PEX12: variants seen among roughly 807,000 people sequenced by gnomAD.
PEX12 encodes the protein peroxisome assembly protein 12.
Under a neutral mutation model 32.5 loss-of-function variants are expected in PEX12, and 31 were observed. That is an observed-to-expected ratio of 0.95 (90% confidence interval 0.72 to 1.29). The LOEUF is 1.29. PEX12 is among the 50% of genes most tolerant of loss of function. PEX12 has a pLI of 0.00. For synonymous variants in PEX12, 148 were observed against 157.2 expected, an observed-to-expected ratio of 0.94 and a Z score of 0.44; for missense variants, 359 against 419.0, an observed-to-expected ratio of 0.86 and a Z score of 1.25.
Position 35,574,840 on chromosome 17 carries a change from C to T in PEX12, c.*942G>A, listed in dbSNP as rs1008957026. 3 of 152,650 alleles carry T rather than the reference C, an allele frequency of 2.0e-5. No homozygotes were observed. The highest frequency in any genetic ancestry group is 7.2e-5 in the African/African-American group (3 of 41,468). 9.5% of individuals were successfully genotyped at this position (152,650 alleles called of 1,614,324 possible). A position where few individuals can be genotyped will look rare whatever the true frequency, so the allele number is the denominator to read the frequency against. On this transcript the variant is annotated 3_prime_UTR_variant, in exon 3 of 3. Coordinates refer to ENST00000225873, the MANE Select transcript of PEX12 (RefSeq NM_000286.3). ...TTTTAAACACCTCAAGTAATCTTTACATTTCTACAAAATCATAACATAGTT... is the reference window on the plus strand; with the variant it reads ...TTTTAAACACCTCAAGTAATCTTTATATTTCTACAAAATCATAACATAGTT...
chr17:35,578,095 G>A lies in PEX12; in HGVS notation c.-74C>T. The A allele has an allele frequency of 6.4e-7, 1 of 1,557,668 alleles. No individual in the cohort carries two copies. The highest frequency in any genetic ancestry group is 1.4e-5 in the African/African-American group (1 of 73,976). ...AGCATGAACTTTTTCGGGAGGAAGA[G>A]TATCAGATGGGTGCTCAGTCTTAAA... On this transcript the variant is annotated 5_prime_UTR_variant, in exon 1 of 3. Transcript: ENST00000225873.
Position 35,575,265 on chromosome 17 carries a change from T to C in PEX12, c.*517A>G, listed in dbSNP as rs1046321. 0.38 allele frequency: 60,043 copies of C among 159,382 alleles called. 12,191 individuals are homozygous for C. The highest frequency in any genetic ancestry group is 0.45 in the Non-Finnish European group (32,191 of 71,758). 9.9% of individuals were successfully genotyped at this position (159,382 alleles called of 1,614,324 possible). On this transcript the variant is annotated 3_prime_UTR_variant, in exon 3 of 3. Transcript: ENST00000225873. ...TCACAGTATATGGAAGGAGCTTTTT[T>C]CCCCCCCAGAGTGTTTCTAAGCATT...
At chr17:35,576,693 C>CT (rs2072787289) in intron 2 of PEX12, among the ~76,000 whole-genome samples, 1 of 152,170 alleles carries the variant, frequency 6.6e-6, no homozygotes, top group Non-Finnish European at 1.5e-5. Flanking sequence ...GCTCTGCCAC[C>CT]TTCTATGTAC....
In PEX12 at chr17:35,578,103, T is replaced by C; in HGVS notation, c.-82A>G. 6.5e-7 allele frequency: 1 copy of C among 1,528,686 alleles called. No individual in the cohort carries two copies. The highest frequency in any genetic ancestry group is 9.1e-7 in the Non-Finnish European group (1 of 1,104,396). 94.7% of individuals were successfully genotyped at this position (1,528,686 alleles called of 1,614,324 possible). A position where few individuals can be genotyped will look rare whatever the true frequency, so the allele number is the denominator to read the frequency against. On this transcript the variant is annotated 5_prime_UTR_variant, in exon 1 of 3. Coordinates refer to ENST00000225873, the MANE Select transcript of PEX12 (RefSeq NM_000286.3). Reference sequence around the variant, plus strand: ...CTTTTTCGGGAGGAAGAGTATCAGATGGGTGCTCAGTCTTAAAGGTAAACT... The same window carrying C: ...CTTTTTCGGGAGGAAGAGTATCAGACGGGTGCTCAGTCTTAAAGGTAAACT...
At chr17:35,576,263 C>A in intron 2 of PEX12, 82 bp from the exon 3 acceptor site, 1 of 1,350,034 alleles carries the variant, frequency 7.4e-7, no homozygotes. Context: ...AAATGCAATT[C>A]TTACATTTTT....
rs1268722683 is a variant in PEX12, at chr17:35,577,888, T to C, written c.126+8A>G. 2 of 1,614,070 alleles carry C rather than the reference T, an allele frequency of 1.2e-6. No homozygotes were observed. Among genetic ancestry groups the C allele is most frequent in the Admixed American group, 3.3e-5 (2 of 60,010 alleles). ...TCCCTAAAACCTTTCCAAGAATTAATACCTTACCTTGACCACATGCTGAAG... is the reference window on the plus strand; with the variant it reads ...TCCCTAAAACCTTTCCAAGAATTAACACCTTACCTTGACCACATGCTGAAG... On this transcript the variant is annotated splice_region_variant and intron_variant, in intron 1 of 2. Transcript: ENST00000225873.
At chr17:35,576,455 C>T (rs901473212) in intron 2 of PEX12, among the ~76,000 whole-genome samples, 1 of 77,442 alleles carries the variant, frequency 1.3e-5, no homozygotes, top group African/African-American at 4.8e-5. Context: ...ATTATATAGA[C>T]CTCCCTTTTT....
Position 35,577,412 on chromosome 17 carries a change from T to G in PEX12, c.306A>C (p.Arg102Ser). ...GCTTTGGGAGACCAGCACTAGCCAA[T>G]CTCTGAGACTTGTGAGTGTCCCCCA... ...IVMGDTHKSQ[R>S]LASAGLPKQQ... The change falls in exon 2 of 3, where the codon AGA becomes AGC. Residue 102 changes from arginine to serine, a missense_variant. Arg to Ser is a moderately radical substitution (Grantham distance 110). Coordinates refer to ENST00000225873, the MANE Select transcript of PEX12 (RefSeq NM_000286.3). 6.2e-7 allele frequency: 1 copy of G among 1,614,114 alleles called. No homozygotes were observed. The highest frequency in any genetic ancestry group is 1.1e-5 in the South Asian group (1 of 91,078).
At position 35,578,278 on chromosome 17, in the gene PEX12, T is replaced by C. The variant is rs1024774172; in HGVS notation, c.-257A>G. ...AAGTAGTATGTGGCGAGGGGGTAAC[T>C]TGTCAAATGCTGCACGTCAGGGCAG... On this transcript the variant is annotated 5_prime_UTR_variant, in exon 1 of 3. Transcript: ENST00000225873. The C allele has an allele frequency of 2.0e-5, 9 of 446,466 alleles. No individual in the cohort carries two copies. Among genetic ancestry groups the C allele is most frequent in the South Asian group, 1.7e-4 (9 of 51,694 alleles). The allele number at this position is 446,466 out of a possible 1,614,324, so 27.7% of individuals were successfully genotyped here. A position where few individuals can be genotyped will look rare whatever the true frequency, so the allele number is the denominator to read the frequency against.
chr17:35,576,760 C>G (rs1049027834), intron 2 of PEX12, among the ~76,000 whole-genome samples: 2 of 152,122 alleles, frequency 1.3e-5, no homozygotes, highest in Non-Finnish European at 2.9e-5. Flanking sequence ...CAACTGTGAG[C>G]TAATACATTT....
Position 35,575,915 on chromosome 17 carries a change from A to C in PEX12, c.947T>G (p.Val316Gly), listed in dbSNP as rs1297202049. The stretch of plus-strand genomic sequence containing the variant: ...AAACACATAGCCAGAGGTGGCAAGA[A>C]CAGTATCATTCACCCGGGTTTTACG... ...LCRKTRVNDT[V>G]LATSGYVFCY... Residue 316 changes from valine (V) to glycine (G), a missense_variant, in exon 3 of 3, where the codon GTT (valine) becomes GGT (glycine). By Grantham distance (109) the Val-to-Gly change is moderately radical. Transcript: ENST00000225873. The C allele has an allele frequency of 2.5e-6, 4 of 1,614,132 alleles. No homozygotes were observed. Among genetic ancestry groups the C allele is most frequent in the Non-Finnish European group, 3.4e-6 (4 of 1,180,052 alleles).
At chr17:35,576,454 A>ACAT (rs144013377) in intron 2 of PEX12, among the ~76,000 whole-genome samples, 1 of 149,306 alleles carries the variant, frequency 6.7e-6, no homozygotes, top group Non-Finnish European at 1.5e-5. Flanking sequence ...GATTATATAG[A>ACAT]CCTCCCTTTT....
Position 35,577,951 on chromosome 17 carries a change from A to G in PEX12, c.71T>C (p.Val24Ala). ...ADDQPSIFEV[V>A]AQDSLMTAVR... ...TGCTGTCATTAAACTGTCCTGTGCT[A>G]CCACCTCAAAGATGGATGGCTGGTC... The change falls in exon 1 of 3, where the codon GTA becomes GCA. Residue 24 changes from valine to alanine, a missense_variant. Transcript: ENST00000225873. The G allele has an allele frequency of 6.2e-7, 1 of 1,614,166 alleles. No homozygotes were observed. Among genetic ancestry groups the G allele is most frequent in the Non-Finnish European group, 8.5e-7 (1 of 1,180,022 alleles).
rs748308886 is a variant in PEX12 at position 35,575,811 on chromosome 17, G to A, written c.1051C>T (p.Leu351=). The A allele has an allele frequency of 3.1e-6, 5 of 1,614,180 alleles. No individual in the cohort carries two copies. Among genetic ancestry groups the A allele is most frequent in the Non-Finnish European group, 3.4e-6 (4 of 1,180,008 alleles). ...ITGYPTEVQH[L]IKLYSPEN is the part of the protein sequence containing the mutation. ...TTCTCAGGGGAGTAGAGTTTAATCA[G>A]ATGTTGTACTTCTGTTGGATAACCT... The change falls in exon 3 of 3, where the codon CTG becomes TTG. Residue 351 remains leucine (L), a synonymous_variant. Transcript: ENST00000225873.
At position 35,575,736 on chromosome 17, in the gene PEX12, A is replaced by G. The variant is rs2072780588; in HGVS notation, c.*46T>C. ...ACCATGCTGAAACCAGCTCTGTGAC[A>G]TTACAGCGCAATACTTTTGTTGTGA... On this transcript the variant is annotated 3_prime_UTR_variant, in exon 3 of 3. Transcript: ENST00000225873. 23 of 1,576,226 alleles carry G rather than the reference A, an allele frequency of 1.5e-5. No homozygotes were observed. Among genetic ancestry groups the G allele is most frequent in the Non-Finnish European group, 2.0e-5 (23 of 1,145,712 alleles).
chr17:35,575,716 G>T lies in PEX12; in HGVS notation c.*66C>A. 6.8e-7 allele frequency: 1 copy of T among 1,479,154 alleles called. No individual in the cohort carries two copies. Among genetic ancestry groups the T allele is most frequent in the Non-Finnish European group, 9.5e-7 (1 of 1,057,368 alleles). 91.6% of individuals were successfully genotyped at this position (1,479,154 alleles called of 1,614,324 possible). ...CTGAGAAGTGTCAACTCAATACCATGCTGAAACCAGCTCTGTGACATTACA... is the reference window on the plus strand; with the variant it reads ...CTGAGAAGTGTCAACTCAATACCATTCTGAAACCAGCTCTGTGACATTACA... On this transcript the variant is annotated 3_prime_UTR_variant, in exon 3 of 3. Coordinates refer to ENST00000225873, the MANE Select transcript of PEX12 (RefSeq NM_000286.3).
rs1192728372 is a variant in PEX12, at chr17:35,574,928, C to A, written c.*854G>T. The A allele has an allele frequency of 2.0e-5, 3 of 152,504 alleles. No homozygotes were observed. The highest frequency in any genetic ancestry group is 6.6e-5 in the Admixed American group (1 of 15,248). The allele number at this position is 152,504 out of a possible 1,614,324, so 9.4% of individuals were successfully genotyped here. ...TGTTTCATAGAAACTTTAGTAATAA[C>A]CAGAATAATTCATGACACTTTAGCA... is the stretch of plus-strand genomic sequence containing the variant. On this transcript the variant is annotated 3_prime_UTR_variant, in exon 3 of 3. Coordinates refer to ENST00000225873, the MANE Select transcript of PEX12 (RefSeq NM_000286.3).
In PEX12 at chr17:35,575,995, G is replaced by A. The variant is rs138720627; in HGVS notation, c.867C>T (p.Asp289=). 1.1e-3 allele frequency: 1,781 copies of A among 1,614,172 alleles called. 22 individuals are homozygous for A. The African/African-American group carries it at 0.02, about 18-fold the overall frequency. The change falls in exon 3 of 3, where the codon GAC becomes GAT. Residue 289 remains aspartate (D), a synonymous_variant. Coordinates refer to ENST00000225873, the MANE Select transcript of PEX12 (RefSeq NM_000286.3). ...LPTPPPPVHL[D]YNSDSPLLPK... is the part of the protein sequence containing the mutation. Reference sequence around the variant, plus strand: ...GTAAGAGGGGAGAATCAGAGTTATAGTCTAGGTGTACAGGTGGTGGTGGAG... The same window carrying A: ...GTAAGAGGGGAGAATCAGAGTTATAATCTAGGTGTACAGGTGGTGGTGGAG...
chr17:35,577,656 TC>T lies in PEX12; in HGVS notation c.127-66del, dbSNP rs897293816. On this transcript the variant is annotated intron_variant, in intron 1 of 2. Coordinates refer to ENST00000225873, the MANE Select transcript of PEX12 (RefSeq NM_000286.3). Reference sequence around the variant, plus strand: ...ACACAAGTTCTACACCTATTTACATTCCCCCTTTTCCTCTAAAGTCTACACA... The same window carrying T: ...ACACAAGTTCTACACCTATTTACATTCCCCTTTTCCTCTAAAGTCTACACA... 9.5e-6 allele frequency: 14 copies of T among 1,479,178 alleles called. No individual in the cohort carries two copies. The Admixed American group carries it at 1.7e-4, about 18-fold the overall frequency. 91.6% of individuals were successfully genotyped at this position (1,479,178 alleles called of 1,614,324 possible).
Sources: allele counts gnomAD v4.1 joint callset (sites outside exome capture counted in the v4.1 genomes callset), GRCh38; gene constraint gnomAD v4.1.1; transcripts MANE v1.5; gene names NCBI Gene and HGNC (gene_info 2026-07-23, HGNC 2026-07-21).